Variants in TSNAXIP1 observed in about 807,000 individuals in gnomAD.
TSNAXIP1 encodes translin associated factor X interacting protein 1.
TSNAXIP1 carries 89 observed loss-of-function variants against 84.8 expected under a neutral mutation model. That is an observed-to-expected ratio of 1.05 (90% confidence interval 0.88 to 1.25). The LOEUF (loss-of-function observed/expected upper bound fraction) is 1.25, where lower values mean the gene tolerates loss of function less well. Ranked by LOEUF, TSNAXIP1 falls within the 50% of genes most tolerant of loss-of-function variation. TSNAXIP1 has a pLI of 0.00. For synonymous variants in TSNAXIP1, 347 were observed against 335.2 expected (o/e 1.04, Z -0.39); for missense variants, 874 against 887.6 (o/e 0.98, Z 0.20).
At chr16:67,824,823 G>C (rs374387644) in intron 6 of TSNAXIP1, 44 bp downstream of exon 6, 42 of 1,586,116 alleles carry the variant, frequency 2.6e-5, no homozygotes, top group Non-Finnish European at 3.4e-5. Context: ...CCGAATTCCT[G>C]CCAACTCCAC....
intron 2 of TSNAXIP1, among the ~76,000 whole-genome samples, chr16:67,815,775 A>G (rs1256475482): frequency 6.6e-6 from 1 of 151,496 alleles, no homozygotes. Flanking sequence ...CTAGGATTAC[A>G]GGTGTGAGCC....
At chr16:67,819,416 G>T (rs1164513582) in intron 2 of TSNAXIP1, among the ~76,000 whole-genome samples, 1 of 149,984 alleles carries the variant, frequency 6.7e-6, no homozygotes, top group Non-Finnish European at 1.5e-5. Context: ...GCTAATTTTT[G>T]TATTTTTAGT....
intron 2 of TSNAXIP1, among the ~76,000 whole-genome samples, chr16:67,819,124 C>T (rs960157813): frequency 6.6e-6 from 1 of 151,844 alleles, no homozygotes; most frequent in African/African-American, 2.4e-5. Flanking sequence ...GAGCAGAGAT[C>T]GTGCTACTGT....
chr16:67,826,673 C>G lies in TSNAXIP1; in HGVS notation c.1402-19C>G. On this transcript the variant is annotated intron_variant, in intron 11 of 15. Transcript: ENST00000561639. ...AACCAACCGTAAGACTCTGACTGAGCATTTCCTCGATCCCGCAGAAAGAGA... is the reference window on the plus strand; with the variant it reads ...AACCAACCGTAAGACTCTGACTGAGGATTTCCTCGATCCCGCAGAAAGAGA... The G allele has an allele frequency of 6.2e-7, 1 of 1,612,248 alleles. No individual in the cohort carries two copies. The highest frequency in any genetic ancestry group is 1.1e-5 in the South Asian group (1 of 90,818).
At chr16:67,807,409 G>A in intron 1 of TSNAXIP1, 1 of 1,516,472 alleles carries the variant, frequency 6.6e-7, no homozygotes, top group South Asian at 1.2e-5. Flanking sequence ...ATCATTACTA[G>A]TAACAACCAG....
chr16:67,814,473 C>A, intron 2 of TSNAXIP1, 72 bp downstream of exon 2: 2 of 1,238,396 alleles, frequency 1.6e-6, no homozygotes, highest in Non-Finnish European at 2.3e-6. Flanking sequence ...TCCTGCAACC[C>A]AAGAGTACCA....
At chr16:67,822,566 AAGAG>A (rs143349223) in intron 4 of TSNAXIP1, among the ~76,000 whole-genome samples, 53 of 148,956 alleles carry the variant, frequency 3.6e-4, no homozygotes, top group East Asian at 1.2e-3. Flanking sequence ...GGGAGGGAGG[AAGAG>A]AGAGAGAGAG....
chr16:67,824,033 A>AAG (rs2057265100), intron 5 of TSNAXIP1, among the ~76,000 whole-genome samples: 1 of 151,192 alleles, frequency 6.6e-6, no homozygotes, highest in East Asian at 1.9e-4. Flanking sequence ...AAAAAAAAAA[A>AAG]AAAAGAATGC....
chr16:67,826,088 C>T lies in TSNAXIP1; in HGVS notation c.1144+12C>T, dbSNP rs3743732. 309 of 1,613,132 alleles carry T rather than the reference C, an allele frequency of 1.9e-4. No homozygotes were observed. In the East Asian group the frequency reaches 2.1e-3, roughly 11 times the overall value. ...GACCAAGTGCAAAGGTGAGGGCAGC[C>T]GGCAGGGCCCCAGGTCCTGCTTACA... On this transcript the variant is annotated intron_variant, in intron 9 of 15. Transcript: ENST00000561639.
intron 4 of TSNAXIP1, among the ~76,000 whole-genome samples, chr16:67,822,045 G>A (rs941741500): frequency 8.6e-5 from 13 of 151,624 alleles, no homozygotes; most frequent in East Asian, 3.9e-4. Flanking sequence ...TTGGGAGGCC[G>A]AGGCAGGCGG....
chr16:67,822,613 G>A (rs553731721), intron 4 of TSNAXIP1, among the ~76,000 whole-genome samples: 2 of 152,250 alleles, frequency 1.3e-5, no homozygotes, highest in East Asian at 1.9e-4. Context: ...CCAGATACCA[G>A]TGTATAGTAG....
chr16:67,811,678 G>A (rs1232949783), intron 1 of TSNAXIP1, among the ~76,000 whole-genome samples: 5 of 151,640 alleles, frequency 3.3e-5, no homozygotes, highest in Admixed American at 1.3e-4. Context: ...TCCTGACCTC[G>A]TGATTTGCCC....
chr16:67,816,581 C>T (rs1177150811), intron 2 of TSNAXIP1, among the ~76,000 whole-genome samples: 1 of 152,120 alleles, frequency 6.6e-6, no homozygotes, highest in Non-Finnish European at 1.5e-5. Flanking sequence ...CCAAGCGCAG[C>T]CCAAAAACCT....
At position 67,827,472 on chromosome 16, in the gene TSNAXIP1, G is replaced by A. The variant is rs749970343; in HGVS notation, c.1792-1G>A. Reference sequence around the variant, plus strand: ...TCCCCCTGACTTGTGGCCCCTCCCAGGATGAGGAGGGCCAGAGTGAGCCCT... The same window carrying A: ...TCCCCCTGACTTGTGGCCCCTCCCAAGATGAGGAGGGCCAGAGTGAGCCCT... On this transcript the variant is annotated splice_acceptor_variant, in intron 14 of 15. Coordinates refer to ENST00000561639, the MANE Select transcript of TSNAXIP1 (RefSeq NM_001288990.3). LOFTEE classifies it high-confidence loss of function. 4.6e-5 allele frequency: 75 copies of A among 1,614,054 alleles called. No individual in the cohort carries two copies. Among genetic ancestry groups the A allele is most frequent in the Non-Finnish European group, 6.1e-5 (72 of 1,180,008 alleles).
Position 67,820,945 on chromosome 16 carries a change from G to C in TSNAXIP1, c.254G>C (p.Arg85Pro). Residue 85 changes from arginine to proline, a missense_variant, in exon 3 of 16, where the codon CGA becomes CCA. Arg to Pro is a moderately radical substitution (Grantham distance 103). Transcript: ENST00000561639. ...RKPCSDDYRK[R>P]VGSCQQHPFR... ...CCCTGTTCAGATGACTACCGGAAGCGAGTAGGGTAAGCCAGGGTCAGTCCC... is the reference window on the plus strand; with the variant it reads ...CCCTGTTCAGATGACTACCGGAAGCCAGTAGGGTAAGCCAGGGTCAGTCCC... 1 of 1,599,164 alleles carries C rather than the reference G, an allele frequency of 6.3e-7. No individual in the cohort carries two copies. Among genetic ancestry groups the C allele is most frequent in the Non-Finnish European group, 8.5e-7 (1 of 1,172,864 alleles).
intron 2 of TSNAXIP1, 75 bp downstream of exon 2, chr16:67,814,476 G>A (rs964441219): frequency 1.2e-5 from 15 of 1,217,824 alleles, no homozygotes; most frequent in Non-Finnish European, 1.6e-5. Flanking sequence ...TGCAACCCAA[G>A]AGTACCACCC....
At position 67,827,862 on chromosome 16, in the gene TSNAXIP1, G is replaced by A. The variant is rs1567785751; in HGVS notation, c.2008G>A (p.Glu670Lys). 2.5e-6 allele frequency: 4 copies of A among 1,614,136 alleles called. No individual in the cohort carries two copies. Among genetic ancestry groups the A allele is most frequent in the Non-Finnish European group, 3.4e-6 (4 of 1,180,022 alleles). Reference sequence around the variant, plus strand: ...CATGAGCCAGGCCTTCCAGCTCCCTGAGTCGGAAATGCCAGAGGAGGGTGA... The same window carrying A: ...CATGAGCCAGGCCTTCCAGCTCCCTAAGTCGGAAATGCCAGAGGAGGGTGA... The part of the protein sequence containing the change: ...TYMSQAFQLP[E>K]SEMPEEGDEK... Residue 670 changes from glutamate to lysine, a missense_variant, in exon 16 of 16, where the codon GAG (glutamate) becomes AAG (lysine). Transcript: ENST00000561639.
At position 67,826,094 on chromosome 16, in the gene TSNAXIP1, G is replaced by A. The variant is rs2057419353; in HGVS notation, c.1144+18G>A. 1 of 1,613,172 alleles carries A rather than the reference G, an allele frequency of 6.2e-7. No individual in the cohort carries two copies. Among genetic ancestry groups the A allele is most frequent in the African/African-American group, 1.3e-5 (1 of 74,934 alleles). ...GTGCAAAGGTGAGGGCAGCCGGCAG[G>A]GCCCCAGGTCCTGCTTACATGTGGG... On this transcript the variant is annotated intron_variant, in intron 9 of 15. Coordinates refer to ENST00000561639, the MANE Select transcript of TSNAXIP1 (RefSeq NM_001288990.3).
chr16:67,814,455 G>T (rs974526322), intron 2 of TSNAXIP1, 54 bp downstream of exon 2: 1 of 1,431,000 alleles, frequency 7.0e-7, no homozygotes, highest in Middle Eastern at 1.8e-4. Context: ...GACCCTATCC[G>T]TCTCCCTTCC....
Sources: gnomAD v4.1 joint callset for allele counts (sites outside exome capture counted in the v4.1 genomes callset) on GRCh38, gnomAD v4.1.1 for gene constraint, MANE v1.5 for transcripts, NCBI Gene and HGNC (gene_info 2026-07-23, HGNC 2026-07-21) for gene names.